ADAMTSL3: variants seen among roughly 807,000 people sequenced by gnomAD.
The protein encoded by ADAMTSL3 is ADAMTS like 3.
ADAMTSL3 carries 128 observed loss-of-function variants against 201.7 expected under a neutral mutation model. The observed-to-expected ratio is 0.63, with a 90% CI of 0.55 to 0.73. ADAMTSL3 has a LOEUF of 0.73. Among genes scored for constraint, ADAMTSL3 ranks in the 30% least tolerant of loss-of-function variants. ADAMTSL3 has a pLI of 0.00. For missense variants in ADAMTSL3, 1,990 were observed against 2,119.6 expected, an observed-to-expected ratio of 0.94 and a Z score of 1.20; for synonymous variants, 738 against 748.4, an observed-to-expected ratio of 0.99 and a Z score of 0.23.
intron 4 of ADAMTSL3, among the ~76,000 whole-genome samples, chr15:83,788,476 G>T (rs1195724064): frequency 6.6e-6 from 1 of 152,124 alleles, no homozygotes; most frequent in African/African-American, 2.4e-5. Flanking sequence ...AAACTTGAAT[G>T]ATGATTTTTC....
At chr15:83,727,129 A>G (rs989200391) in intron 3 of ADAMTSL3, among the ~76,000 whole-genome samples, 2 of 148,624 alleles carry the variant, frequency 1.3e-5, no homozygotes, top group African/African-American at 4.9e-5. Flanking sequence ...GGTAGGTTGT[A>G]TGTGTCTAGG....
rs772793327 is a variant in ADAMTSL3 at position 83,890,093 on chromosome 15, T to C, written c.1073-16T>C. ...AACGGATGCAATATTCAGACTTGCC[T>C]TTTCTAACACTTTAGGTTATCAGCT... On this transcript the variant is annotated splice_polypyrimidine_tract_variant and intron_variant, in intron 10 of 29. Coordinates refer to ENST00000286744, the MANE Select transcript of ADAMTSL3 (RefSeq NM_207517.3). The C allele has an allele frequency of 6.2e-7, 1 of 1,602,992 alleles. No individual in the cohort carries two copies. Among genetic ancestry groups the C allele is most frequent in the Non-Finnish European group, 8.5e-7 (1 of 1,175,154 alleles).
chr15:83,739,973 G>T, intron 3 of ADAMTSL3: 1 of 476,658 alleles, frequency 2.1e-6, no homozygotes, highest in South Asian at 1.8e-5. Flanking sequence ...CATGTGACCA[G>T]GGCAGTGTTT....
rs1315325401 is a variant in ADAMTSL3, at chr15:83,858,759, T to C, written c.728-7T>C. ...TTTTATTGCAGTTGCGTTCTGTTCT[T>C]TCCCAGGAGAAGAAAATGTAATTGC... On this transcript the variant is annotated splice_polypyrimidine_tract_variant and splice_region_variant and intron_variant, in intron 7 of 29. Coordinates refer to ENST00000286744, the MANE Select transcript of ADAMTSL3 (RefSeq NM_207517.3). The C allele has an allele frequency of 1.9e-6, 3 of 1,612,464 alleles. No homozygotes were observed. The highest frequency in any genetic ancestry group is 2.5e-6 in the Non-Finnish European group (3 of 1,179,328).
chr15:83,879,440 G>A (rs1159487880), intron 9 of ADAMTSL3, among the ~76,000 whole-genome samples: 1 of 151,872 alleles, frequency 6.6e-6, no homozygotes, highest in Non-Finnish European at 1.5e-5. Flanking sequence ...ATTTTGATAT[G>A]AAATGTTTTC....
chr15:84,034,151 A>G (rs2068457231), intron 28 of ADAMTSL3, among the ~76,000 whole-genome samples: 1 of 152,096 alleles, frequency 6.6e-6, no homozygotes, highest in Non-Finnish European at 1.5e-5. Context: ...GTTGGTTAGT[A>G]TAGAGAGCTG....
intron 6 of ADAMTSL3, among the ~76,000 whole-genome samples, chr15:83,833,160 G>T (rs762376068): frequency 2.6e-5 from 4 of 152,164 alleles, no homozygotes; most frequent in Non-Finnish European, 5.9e-5. Flanking sequence ...AAGAGGCTAA[G>T]TAAATTGCCC....
intron 2 of ADAMTSL3, among the ~76,000 whole-genome samples, chr15:83,668,299 T>C (rs996022021): frequency 3.9e-5 from 4 of 102,718 alleles, no homozygotes; most frequent in African/African-American, 2.0e-4. Flanking sequence ...CTTTTCTCAC[T>C]CTTTTTTTTC....
chr15:83,679,500 G>C (rs1289746136), intron 2 of ADAMTSL3, among the ~76,000 whole-genome samples: 1 of 151,938 alleles, frequency 6.6e-6, no homozygotes, highest in Non-Finnish European at 1.5e-5. Context: ...ATCATGTTTA[G>C]ATCTAGTGTG....
chr15:83,965,465 A>G (rs1015197512), intron 19 of ADAMTSL3, among the ~76,000 whole-genome samples: 18 of 152,214 alleles, frequency 1.2e-4, no homozygotes, highest in African/African-American at 4.1e-4. Context: ...AAAGAGATCA[A>G]TGCAACAAGA....
chr15:83,749,088 G>A (rs1488083527), intron 3 of ADAMTSL3, among the ~76,000 whole-genome samples: 1 of 152,174 alleles, frequency 6.6e-6, no homozygotes, highest in African/African-American at 2.4e-5. Context: ...TCTGGAACAA[G>A]AATAGCATTT....
chr15:83,936,566 A>T (rs1352624250), intron 17 of ADAMTSL3, among the ~76,000 whole-genome samples: 2 of 150,952 alleles, frequency 1.3e-5, no homozygotes, highest in Admixed American at 1.3e-4. Flanking sequence ...AAACCCTGGA[A>T]GATAACCTAG....
chr15:83,989,853 G>A (rs542932755), intron 22 of ADAMTSL3, among the ~76,000 whole-genome samples: 25 of 152,212 alleles, frequency 1.6e-4, no homozygotes, highest in Middle Eastern at 3.4e-3. Context: ...TATTTGCTTC[G>A]TATTAATTAA....
chr15:83,840,870 G>C (rs548656451), intron 7 of ADAMTSL3, among the ~76,000 whole-genome samples: 18 of 152,166 alleles, frequency 1.2e-4, no homozygotes, highest in Non-Finnish European at 2.2e-4. Context: ...CTAAGGCTGG[G>C]GATGCTGTTT....
At chr15:83,908,442 C>T (rs2065878573) in intron 15 of ADAMTSL3, among the ~76,000 whole-genome samples, 1 of 152,186 alleles carries the variant, frequency 6.6e-6, no homozygotes, top group Non-Finnish European at 1.5e-5. Context: ...TTAACTCAGA[C>T]ATCATTACAT....
chr15:83,722,133 T>G (rs1375410984), intron 3 of ADAMTSL3, among the ~76,000 whole-genome samples: 1 of 152,174 alleles, frequency 6.6e-6, no homozygotes, highest in Non-Finnish European at 1.5e-5. Context: ...ATGAAAGGCA[T>G]AGTTTCCAAA....
At chr15:83,956,683 A>G (rs1467511796) in intron 19 of ADAMTSL3, among the ~76,000 whole-genome samples, 1 of 151,468 alleles carries the variant, frequency 6.6e-6, no homozygotes, top group Admixed American at 6.6e-5. Context: ...GCACAGGCAC[A>G]CACACACACA....
rs995433728 is a variant in ADAMTSL3 at position 83,845,171 on chromosome 15, G to A, written c.727+6956G>A. Among the ~76,000 whole-genome samples the A allele has an allele frequency of 5.9e-5, 9 of 152,236 alleles. 1 individual carries two copies. Among genetic ancestry groups the A allele is most frequent in the Admixed American group, 5.2e-4 (8 of 15,288 alleles). ...GAGAGGCTTTCTTTGACCACTCTAC[G>A]TAAAGTAGGCCCTTCTCTTTTCTGT... On this transcript the variant is annotated intron_variant, in intron 7 of 29. Coordinates refer to ENST00000286744, the MANE Select transcript of ADAMTSL3 (RefSeq NM_207517.3).
intron 2 of ADAMTSL3, among the ~76,000 whole-genome samples, chr15:83,678,790 T>TGTATATA (rs1197850301): frequency 1.3e-4 from 7 of 53,402 alleles, no homozygotes; most frequent in Non-Finnish European, 2.3e-4. Context: ...AATATATATG[T>TGTATATA]ATATATAATA....
Sources: gnomAD v4.1 joint callset for allele counts (sites outside exome capture counted in the v4.1 genomes callset) on GRCh38, gnomAD v4.1.1 for gene constraint, MANE v1.5 for transcripts, NCBI Gene and HGNC (gene_info 2026-07-23, HGNC 2026-07-21) for gene names.